The following TNPO2 variants were observed in gnomAD, a reference collection of about 807,000 sequenced individuals.
TNPO2 encodes the protein transportin 2, also known as transportin-2.
TNPO2 carries 16 observed loss-of-function variants against 111.1 expected under a neutral mutation model. The observed-to-expected ratio is 0.14, with a 90% CI of 0.10 to 0.22. TNPO2 has a LOEUF of 0.22. Ranked by LOEUF, TNPO2 falls within the 10% of genes least tolerant of loss-of-function variation. The pLI is 1.00. For missense variants in TNPO2, 530 were observed against 1,173.7 expected, an observed-to-expected ratio of 0.45 and a Z score of 8.01; for synonymous variants, 481 against 475.8, an observed-to-expected ratio of 1.01 and a Z score of -0.14.
In TNPO2 at chr19:12,701,887, G is replaced by T; in HGVS notation, c.2412-36C>A. 1 of 1,571,236 alleles carries T rather than the reference G, an allele frequency of 6.4e-7. No homozygotes were observed. Among genetic ancestry groups the T allele is most frequent in the Non-Finnish European group, 8.7e-7 (1 of 1,143,690 alleles). On this transcript the variant is annotated intron_variant, in intron 22 of 25. Transcript: ENST00000425528. The surrounding 1 kb of genome is among the most constrained non-coding windows in gnomAD (Gnocchi z 5.0). ...GTGAGCAGCTGGAGGTCAGAGGGCAGGCTGGGCATGCATCTGTGGAGGGCT... is the reference window on the plus strand; with the variant it reads ...GTGAGCAGCTGGAGGTCAGAGGGCATGCTGGGCATGCATCTGTGGAGGGCT...
rs1391631636 is a variant in TNPO2 at position 12,703,085 on chromosome 19, T to C, written c.2210-167A>G. 7.8e-6 allele frequency: 5 copies of C among 640,666 alleles called. No individual in the cohort carries two copies. In the South Asian group the frequency reaches 9.8e-5, roughly 13 times the overall value. 39.7% of individuals were successfully genotyped at this position (640,666 alleles called of 1,614,324 possible). A position where few individuals can be genotyped will look rare whatever the true frequency, so the allele number is the denominator to read the frequency against. The stretch of plus-strand genomic sequence containing the variant: ...CCGGCTAATCCCCACCCAGAATCCC[T>C]GGCCAACCAGGGACAGACCCACACC... On this transcript the variant is annotated intron_variant, in intron 20 of 25. Transcript: ENST00000425528.
At chr19:12,707,289 G>A (rs748545897) in intron 13 of TNPO2, among the ~76,000 whole-genome samples, 5 of 152,086 alleles carry the variant, frequency 3.3e-5, no homozygotes, top group Non-Finnish European at 5.9e-5. Flanking sequence ...GAGCCACCGC[G>A]CCCAGCCAAA....
rs367934234 is a variant in TNPO2, at chr19:12,714,806, A to G, written c.890+15T>C. ...TCGAAGCTGGGGTAGGACAGTGGGC[A>G]GCAGCAGCACTCACTGGACCAGATG... On this transcript the variant is annotated intron_variant, in intron 10 of 25. Coordinates refer to ENST00000425528, the MANE Select transcript of TNPO2 (RefSeq NM_001382241.1). 1.7e-5 allele frequency: 27 copies of G among 1,602,890 alleles called. No individual in the cohort carries two copies. In the African/African-American group the frequency reaches 2.9e-4, roughly 17 times the overall value.
In TNPO2 at chr19:12,715,830, C is replaced by G. The variant is rs965397935; in HGVS notation, c.326-91G>C. 1.6e-5 allele frequency: 17 copies of G among 1,035,810 alleles called. No individual in the cohort carries two copies. Among genetic ancestry groups the G allele is most frequent in the Middle Eastern group, 2.2e-4 (1 of 4,584 alleles). 64.2% of individuals were successfully genotyped at this position (1,035,810 alleles called of 1,614,324 possible). A position where few individuals can be genotyped will look rare whatever the true frequency, so the allele number is the denominator to read the frequency against. On this transcript the variant is annotated intron_variant, in intron 5 of 25. Transcript: ENST00000425528. The surrounding 1 kb of genome is among the most constrained non-coding windows in gnomAD (Gnocchi z 7.1). Reference sequence around the variant, plus strand: ...ACTGGACACCCCCAGTGCTGCCTTTCTGTTCCCTAGCCCATGTACGCCCTC... The same window carrying G: ...ACTGGACACCCCCAGTGCTGCCTTTGTGTTCCCTAGCCCATGTACGCCCTC...
rs1306653647 is a variant in TNPO2, at chr19:12,719,813, T to A, written c.100-477A>T. Among the ~76,000 whole-genome samples the A allele has an allele frequency of 1.4e-5, 2 of 140,362 alleles. No homozygotes were observed. The highest frequency in any genetic ancestry group is 3.0e-5 in the Non-Finnish European group (2 of 67,038). The allele number at this position is 140,362 out of a possible 152,430, so 92.1% of individuals were successfully genotyped here. On this transcript the variant is annotated intron_variant, in intron 3 of 25. Transcript: ENST00000425528. The surrounding 1 kb of genome is among the most constrained non-coding windows in gnomAD (Gnocchi z 5.0). ...GACTCCATCTTGAAAAAAAAAAAAA[T>A]CATACAAGGAGTTGGGTGGAAATGT...
rs200407787 is a variant in TNPO2, at chr19:12,702,807, C to T, written c.2305+16G>A. The T allele has an allele frequency of 5.6e-5, 91 of 1,611,924 alleles. No homozygotes were observed. The African/African-American group carries it at 8.7e-4, about 15-fold the overall frequency. On this transcript the variant is annotated intron_variant, in intron 21 of 25. Transcript: ENST00000425528. The surrounding 1 kb of genome is among the most constrained non-coding windows in gnomAD (Gnocchi z 5.5). ...GGCAGGCAGGGGTGCAGGCAGCAGCCGGGCCAGGTGCCCACCTGTGTTTTC... is the reference window on the plus strand; with the variant it reads ...GGCAGGCAGGGGTGCAGGCAGCAGCTGGGCCAGGTGCCCACCTGTGTTTTC...
At chr19:12,703,155 C>T (rs182184282) in intron 20 of TNPO2, 25 of 586,600 alleles carry the variant, frequency 4.3e-5, no homozygotes, top group Middle Eastern at 4.6e-4. Context: ...GGTGACAACA[C>T]GCTGCCCAAG....
At chr19:12,707,808 T>A (rs1354647114) in intron 13 of TNPO2, among the ~76,000 whole-genome samples, 1 of 151,716 alleles carries the variant, frequency 6.6e-6, no homozygotes, top group Non-Finnish European at 1.5e-5. Context: ...TATTTTTGTT[T>A]AATTTTTTAA....
intron 5 of TNPO2, 39 bp downstream of exon 5, chr19:12,718,990 A>G (rs750138281): frequency 6.2e-7 from 1 of 1,609,736 alleles, no homozygotes; most frequent in African/African-American, 1.3e-5. Flanking sequence ...GTGAGAGTTC[A>G]GTGTGTCCTC....
rs770806936 is a variant in TNPO2 at position 12,705,444 on chromosome 19, G to C, written c.1864-46C>G. 2 of 1,574,970 alleles carry C rather than the reference G, an allele frequency of 1.3e-6. No homozygotes were observed. The highest frequency in any genetic ancestry group is 1.2e-5 in the South Asian group (1 of 85,890). On this transcript the variant is annotated intron_variant, in intron 17 of 25. Coordinates refer to ENST00000425528, the MANE Select transcript of TNPO2 (RefSeq NM_001382241.1). The surrounding 1 kb of genome is among the most constrained non-coding windows in gnomAD (Gnocchi z 7.2). ...GGGCACGGGTAAGTGGAGCAGGCCC[G>C]AGGCAGGCCAATGCAGAAGCACAGG...
chr19:12,716,682 G>C (rs2026381490), intron 5 of TNPO2, among the ~76,000 whole-genome samples: 1 of 152,140 alleles, frequency 6.6e-6, no homozygotes, highest in Admixed American at 6.6e-5. Context: ...GGACTAAGGG[G>C]GGAAATACAG....
intron 5 of TNPO2, among the ~76,000 whole-genome samples, chr19:12,717,492 G>C (rs140487584): frequency 6.6e-6 from 1 of 151,378 alleles, no homozygotes; most frequent in African/African-American, 2.4e-5. Context: ...GGCTGGTCTC[G>C]AACTCCTGAC....
chr19:12,713,700 C>T (rs1039704194), intron 10 of TNPO2, among the ~76,000 whole-genome samples: 3 of 151,618 alleles, frequency 2.0e-5, no homozygotes, highest in East Asian at 1.9e-4. Flanking sequence ...AGTGAGACTC[C>T]GTCTCAAAAA....
At position 12,710,760 on chromosome 19, in the gene TNPO2, C is replaced by G; in HGVS notation, c.1131G>C (p.Ala377=). The change falls in exon 13 of 26, where the codon GCG becomes GCC. Residue 377 remains alanine (A), a synonymous_variant. Transcript: ENST00000425528. The part of the protein sequence containing the change: ...LSDWNLRKCS[A]AALDVLANVF... Reference sequence around the variant, plus strand: ...CATTGGCGAGGACGTCCAGTGCAGCCGCTGAGCACTTCCCTGGGGAAGGGG... The same window carrying G: ...CATTGGCGAGGACGTCCAGTGCAGCGGCTGAGCACTTCCCTGGGGAAGGGG... 4 of 1,610,692 alleles carry G rather than the reference C, an allele frequency of 2.5e-6. No individual in the cohort carries two copies. The highest frequency in any genetic ancestry group is 2.2e-5 in the South Asian group (2 of 90,516).
chr19:12,713,031 G>C (rs149441280), intron 10 of TNPO2, among the ~76,000 whole-genome samples: 3 of 152,158 alleles, frequency 2.0e-5, no homozygotes, highest in Non-Finnish European at 4.4e-5. Flanking sequence ...GATTATAGGC[G>C]TGAGCCATGG....
chr19:12,722,834 A>G (rs771933198), intron 2 of TNPO2, among the ~76,000 whole-genome samples: 1 of 152,108 alleles, frequency 6.6e-6, no homozygotes, highest in Non-Finnish European at 1.5e-5. Flanking sequence ...ACCTGACCGC[A>G]AGCTCTTTAG....
intron 10 of TNPO2, among the ~76,000 whole-genome samples, chr19:12,712,197 A>G (rs898609572): frequency 6.6e-6 from 1 of 152,230 alleles, no homozygotes; most frequent in Non-Finnish European, 1.5e-5. Flanking sequence ...ATGCCCGGAC[A>G]GGGCCACCAG....
chr19:12,701,803 G>A lies in TNPO2; in HGVS notation c.2460C>T (p.Ala820=), dbSNP rs759399293. ...NIRDNEEKDS[A]FRGICMMIGV... is the part of the protein sequence containing the mutation. ...CGATCATCATGCAGATGCCGCGGAA[G>A]GCTGAGTCCTTCTCCTCGTTGTCCC... Residue 820 remains alanine, a synonymous_variant, in exon 23 of 26, where the codon GCC becomes GCT. Coordinates refer to ENST00000425528, the MANE Select transcript of TNPO2 (RefSeq NM_001382241.1). This position sits in a 1 kb window ranked among gnomAD's most constrained non-coding sequence, Gnocchi z 5.0. The A allele has an allele frequency of 6.2e-7, 1 of 1,613,768 alleles. No homozygotes were observed. Among genetic ancestry groups the A allele is most frequent in the African/African-American group, 1.3e-5 (1 of 74,912 alleles).
chr19:12,708,737 G>T lies in TNPO2; in HGVS notation c.1270+1884C>A, dbSNP rs115462857. 8.5e-3 allele frequency among the ~76,000 whole-genome samples: 1,287 copies of T among 152,170 alleles called. 25 individuals carry two copies. The highest frequency in any genetic ancestry group is 0.029 in the African/African-American group (1,215 of 41,518). Reference sequence around the variant, plus strand: ...AATACAAAAATCAGCCAGGTGCGGTGGTGGACACCTGTAATTCCAACTACT... The same window carrying T: ...AATACAAAAATCAGCCAGGTGCGGTTGTGGACACCTGTAATTCCAACTACT... On this transcript the variant is annotated intron_variant, in intron 13 of 25. Transcript: ENST00000425528.
Sources: allele counts gnomAD v4.1 joint callset (sites outside exome capture counted in the v4.1 genomes callset), GRCh38; gene constraint gnomAD v4.1.1; non-coding constraint Gnocchi (gnomAD v3.1); transcripts MANE v1.5; gene names NCBI Gene and HGNC (gene_info 2026-07-23, HGNC 2026-07-21).